The following KPNA4 variants were observed in gnomAD, a reference collection of about 807,000 sequenced individuals.
KPNA4 encodes karyopherin subunit alpha 4.
In KPNA4, 13 loss-of-function variants were observed where a neutral mutation model predicts 71.3. The observed-to-expected ratio is 0.18, with a 90% CI of 0.12 to 0.29. KPNA4 has a LOEUF of 0.29. KPNA4 is among the 10% of genes least tolerant of loss of function. The pLI is 1.00. For missense variants in KPNA4, 334 were observed against 603.2 expected, an observed-to-expected ratio of 0.55 and a Z score of 4.67; for synonymous variants, 189 against 195.2, an observed-to-expected ratio of 0.97 and a Z score of 0.26.
Position 160,565,540 on chromosome 3 carries a change from T to C in KPNA4, c.-258A>G, listed in dbSNP as rs899887079. ...GCGGCGGCAAGGCGACGGAATGTGC[T>C]GCCGGCTGAGAGGGGGAGGCAGCCT... is the stretch of plus-strand genomic sequence containing the variant. On this transcript the variant is annotated 5_prime_UTR_variant, in exon 1 of 17. Transcript: ENST00000334256. 24 of 533,708 alleles carry C rather than the reference T, an allele frequency of 4.5e-5. No individual in the cohort carries two copies. The highest frequency in any genetic ancestry group is 6.9e-5 in the Non-Finnish European group (21 of 304,676). 33.1% of individuals were successfully genotyped at this position (533,708 alleles called of 1,614,324 possible).
chr3:160,536,755 T>C (rs375344872), intron 2 of KPNA4, 41 bp downstream of exon 2: 48 of 1,252,460 alleles, frequency 3.8e-5, no homozygotes, highest in Middle Eastern at 4.0e-4. Context: ...ATAATGTTGT[T>C]AGAATTATGC....
intron 15 of KPNA4, 51 bp from the exon 16 acceptor site, chr3:160,505,103 A>G (rs757977792): frequency 1.1e-6 from 1 of 943,610 alleles, no homozygotes; most frequent in East Asian, 2.8e-5. Context: ...AAGAGCAGTG[A>G]CAAGTTAGAA....
intron 12 of KPNA4, among the ~76,000 whole-genome samples, chr3:160,514,688 T>C (rs1721166995): frequency 6.6e-6 from 1 of 152,192 alleles, no homozygotes; most frequent in Admixed American, 6.5e-5. Flanking sequence ...AGTATACTTA[T>C]TTGTAATAGT....
At chr3:160,506,868 A>G (rs1720993659) in intron 15 of KPNA4, among the ~76,000 whole-genome samples, 1 of 152,194 alleles carries the variant, frequency 6.6e-6, no homozygotes, top group African/African-American at 2.4e-5. Context: ...TCACTTTAGT[A>G]ACTTTAAATA....
intron 13 of KPNA4, among the ~76,000 whole-genome samples, chr3:160,511,338 T>G (rs1017372306): frequency 1.3e-5 from 2 of 149,086 alleles, no homozygotes; most frequent in Admixed American, 6.7e-5. Flanking sequence ...ATCTCCTGAC[T>G]TCATGATCTG....
chr3:160,541,409 T>C (rs761826395), intron 1 of KPNA4, among the ~76,000 whole-genome samples: 4 of 151,954 alleles, frequency 2.6e-5, no homozygotes, highest in Non-Finnish European at 5.9e-5. Context: ...TGACTTTCAT[T>C]GATACCTTGG....
At position 160,495,741 on chromosome 3, in the gene KPNA4, G is replaced by A. The variant is rs909699837; in HGVS notation, c.*6363C>T. 1 of 150,674 alleles carries A rather than the reference G, an allele frequency of 6.6e-6. No homozygotes were observed. Among genetic ancestry groups the A allele is most frequent in the African/African-American group, 2.4e-5 (1 of 40,878 alleles). The allele number at this position is 150,674 out of a possible 1,614,324, so 9.3% of individuals were successfully genotyped here. A position where few individuals can be genotyped will look rare whatever the true frequency, so the allele number is the denominator to read the frequency against. On this transcript the variant is annotated 3_prime_UTR_variant, in exon 17 of 17. Transcript: ENST00000334256. ...GTGGCGGAATATACCCATTTATGAA[G>A]GCAGCACATCGGCAAGTAAAAATGT...
chr3:160,512,605 C>T (rs1273842577), intron 13 of KPNA4, among the ~76,000 whole-genome samples: 1 of 152,056 alleles, frequency 6.6e-6, no homozygotes. Flanking sequence ...ATGGCTCACA[C>T]CTGATCACTT....
intron 1 of KPNA4, 118 bp downstream of exon 1, chr3:160,565,096 G>A (rs1182998795): frequency 1.2e-6 from 1 of 812,190 alleles, no homozygotes; most frequent in Non-Finnish European, 2.0e-6. Context: ...CCGGCCCCTA[G>A]CGCCATTCCC....
intron 5 of KPNA4, among the ~76,000 whole-genome samples, chr3:160,535,227 G>C (rs892008358): frequency 6.6e-6 from 1 of 151,902 alleles, no homozygotes; most frequent in Admixed American, 6.6e-5. Context: ...TTACTCTATG[G>C]CATTAATTTG....
intron 1 of KPNA4, among the ~76,000 whole-genome samples, chr3:160,547,698 T>C (rs1489280886): frequency 1.3e-5 from 2 of 152,164 alleles, no homozygotes; most frequent in Non-Finnish European, 2.9e-5. Flanking sequence ...TGCCCTAAAA[T>C]CCTCTGTGCT....
chr3:160,540,765 C>A (rs1384870853), intron 1 of KPNA4, among the ~76,000 whole-genome samples: 1 of 152,104 alleles, frequency 6.6e-6, no homozygotes, highest in Non-Finnish European at 1.5e-5. Flanking sequence ...GACAAACTGG[C>A]CAAAGGCTTA....
intron 7 of KPNA4, among the ~76,000 whole-genome samples, chr3:160,530,313 C>T (rs1408512107): frequency 6.6e-6 from 1 of 151,774 alleles, no homozygotes. Flanking sequence ...ACAAAAAACA[C>T]AAAAATATTA....
chr3:160,525,718 A>G (rs1721444605), intron 10 of KPNA4, 82 bp downstream of exon 10: 5 of 806,296 alleles, frequency 6.2e-6, no homozygotes, highest in African/African-American at 1.8e-5. Context: ...TGTTAGTATA[A>G]TATTTCTCCC....
intron 15 of KPNA4, among the ~76,000 whole-genome samples, chr3:160,507,492 A>T (rs1577045339): frequency 1.5e-5 from 2 of 133,314 alleles, no homozygotes; most frequent in African/African-American, 6.0e-5. Context: ...AGAGCAAGAC[A>T]CTGTCTCAAA....
chr3:160,551,762 GT>G (rs1472586049), intron 1 of KPNA4, among the ~76,000 whole-genome samples: 1 of 152,148 alleles, frequency 6.6e-6, no homozygotes, highest in Non-Finnish European at 1.5e-5. Context: ...GAACTTTTCA[GT>G]GCCTCTTAGA....
At chr3:160,556,580 T>C (rs541956200) in intron 1 of KPNA4, among the ~76,000 whole-genome samples, 41 of 152,316 alleles carry the variant, frequency 2.7e-4, no homozygotes, top group African/African-American at 8.9e-4. Context: ...TGGATTTTTT[T>C]GGATTTTAGA....
At chr3:160,503,956 C>T (rs1247592065) in intron 16 of KPNA4, among the ~76,000 whole-genome samples, 2 of 152,064 alleles carry the variant, frequency 1.3e-5, no homozygotes, top group Admixed American at 1.3e-4. Flanking sequence ...TAGTGGCAAG[C>T]ACTTGTAATC....
In KPNA4 at chr3:160,551,942, G is replaced by T. The variant is rs541168874; in HGVS notation, c.69+13272C>A. 1.7e-4 allele frequency among the ~76,000 whole-genome samples: 23 copies of T among 132,126 alleles called. No individual in the cohort carries two copies. The South Asian group carries it at 4.6e-3, about 26-fold the overall frequency. 86.7% of individuals were successfully genotyped at this position (132,126 alleles called of 152,430 possible). A position where few individuals can be genotyped will look rare whatever the true frequency, so the allele number is the denominator to read the frequency against. On this transcript the variant is annotated intron_variant, in intron 1 of 16. Transcript: ENST00000334256. ...GACTGTTCTTGGTTGTCACAACTGG[G>T]GGGGGGGGGGTGATGTGCTACTGAC...
Sources: gnomAD v4.1 joint callset for allele counts (sites outside exome capture counted in the v4.1 genomes callset) on GRCh38, gnomAD v4.1.1 for gene constraint, MANE v1.5 for transcripts, NCBI Gene and HGNC (gene_info 2026-07-23, HGNC 2026-07-21) for gene names.